SNX29: variants seen among roughly 807,000 people sequenced by gnomAD.
The protein encoded by SNX29 is sorting nexin 29, also known as sorting nexin-29.
In SNX29, 78 loss-of-function variants were observed where a neutral mutation model predicts 102.1. That is an observed-to-expected ratio of 0.76 (90% CI 0.64 to 0.92). The LOEUF (loss-of-function observed/expected upper bound fraction) is 0.92, where lower values mean the gene tolerates loss of function less well. SNX29 is among the 40% of genes least tolerant of loss of function. The pLI is 0.00. For missense variants in SNX29, 1,280 were observed against 1,061.7 expected (o/e 1.21, Z -2.86); for synonymous variants, 580 against 414.5 (o/e 1.40, Z -4.85).
intron 3 of SNX29, among the ~76,000 whole-genome samples, chr16:12,008,739 T>G (rs2056542783): frequency 6.6e-6 from 1 of 151,290 alleles, no homozygotes; most frequent in African/African-American, 2.4e-5. Flanking sequence ...TAGTTTTTTT[T>G]TTTTTTTTCT....
Position 12,137,440 on chromosome 16 carries a change from G to A in SNX29, c.1595+7682G>A, listed in dbSNP as rs116422300. Among the ~76,000 whole-genome samples, 1,297 of 152,288 alleles carry A rather than the reference G, an allele frequency of 8.5e-3. 18 individuals are homozygous for A. Among genetic ancestry groups the A allele is most frequent in the African/African-American group, 0.03 (1,248 of 41,560 alleles). ...TTTTCCAGCCCTGCCTGCCCAGTGT[G>A]TGTCCCTTTGTTTATTTGTCCCTGC... is the stretch of plus-strand genomic sequence containing the variant. On this transcript the variant is annotated intron_variant, in intron 13 of 20. Transcript: ENST00000566228.
chr16:12,462,016 T>TATGG (rs1555544564), intron 18 of SNX29, among the ~76,000 whole-genome samples: 1 of 65,210 alleles, frequency 1.5e-5, no homozygotes, highest in Non-Finnish European at 2.4e-5. Context: ...TATATATGTA[T>TATGG]ACACACACAC....
intron 15 of SNX29, among the ~76,000 whole-genome samples, chr16:12,324,869 A>G (rs998370466): frequency 2.6e-5 from 4 of 152,052 alleles, no homozygotes; most frequent in African/African-American, 9.7e-5. Context: ...CCCAAACTCC[A>G]CTAGGTAATG....
chr16:12,506,690 A>G (rs2089395560), intron 19 of SNX29, among the ~76,000 whole-genome samples: 1 of 152,234 alleles, frequency 6.6e-6, no homozygotes, highest in South Asian at 2.1e-4. Flanking sequence ...CAAAGGCAGC[A>G]TATCAAGGGC....
chr16:12,542,384 G>A (rs749738067), intron 20 of SNX29, among the ~76,000 whole-genome samples: 2 of 152,364 alleles, frequency 1.3e-5, no homozygotes, highest in East Asian at 1.9e-4. Flanking sequence ...CACCCAGGGT[G>A]GAGTACAGTG....
At chr16:11,990,837 A>G (rs2055820873) in intron 1 of SNX29, among the ~76,000 whole-genome samples, 1 of 152,194 alleles carries the variant, frequency 6.6e-6, no homozygotes, top group Admixed American at 6.5e-5. Context: ...GGTGGCTGTA[A>G]GGTCTACAAA....
chr16:12,213,801 C>G (rs2077249818), intron 14 of SNX29, among the ~76,000 whole-genome samples: 1 of 152,194 alleles, frequency 6.6e-6, no homozygotes, highest in Admixed American at 6.5e-5. Context: ...AGCCCCAGTA[C>G]CCAGCTATGT....
chr16:12,431,122 G>T (rs911632699), intron 18 of SNX29, among the ~76,000 whole-genome samples: 2 of 152,178 alleles, frequency 1.3e-5, no homozygotes, highest in Non-Finnish European at 2.9e-5. Flanking sequence ...AAAGTGCTGG[G>T]ATTACAGGCG....
At position 12,571,451 on chromosome 16, in the gene SNX29, T is replaced by A. The variant is rs1041344966; in HGVS notation, c.*2822T>A. On this transcript the variant is annotated 3_prime_UTR_variant, in exon 21 of 21. Coordinates refer to ENST00000566228, the MANE Select transcript of SNX29 (RefSeq NM_032167.5). The stretch of plus-strand genomic sequence containing the variant: ...ATTACTCGGAGATTTTCAAACAACA[T>A]CTGAGAACAGAAGCCCCCTCCCCTA... 8.3e-6 allele frequency: 2 copies of A among 240,144 alleles called. No individual in the cohort carries two copies. Among genetic ancestry groups the A allele is most frequent in the Non-Finnish European group, 1.6e-5 (2 of 125,186 alleles). 14.9% of individuals were successfully genotyped at this position (240,144 alleles called of 1,614,324 possible).
Position 12,512,843 on chromosome 16 carries a change from GT to G in SNX29, c.2179-11858del, listed in dbSNP as rs1450002116. 2.0e-5 allele frequency among the ~76,000 whole-genome samples: 3 copies of G among 152,306 alleles called. No homozygotes were observed. The East Asian group carries it at 5.8e-4, about 29-fold the overall frequency. On this transcript the variant is annotated intron_variant, in intron 19 of 20. Transcript: ENST00000566228. ...CATGGACTCAATCAATGCCTGGGGA[GT>G]GAGGGCGAGATGGCCTCTGCAGGGC...
chr16:12,014,459 G>A (rs1040065852), intron 3 of SNX29, among the ~76,000 whole-genome samples: 1 of 151,864 alleles, frequency 6.6e-6, no homozygotes, highest in Non-Finnish European at 1.5e-5. Flanking sequence ...AGAGCCGGGC[G>A]CGGTGGCTCA....
intron 11 of SNX29, among the ~76,000 whole-genome samples, chr16:12,119,307 C>T (rs2053875344): frequency 1.3e-5 from 2 of 152,102 alleles, no homozygotes; most frequent in South Asian, 2.1e-4. Context: ...CTTAAGGATT[C>T]GTAGTACAAA....
intron 11 of SNX29, among the ~76,000 whole-genome samples, chr16:12,088,800 A>G (rs2052350732): frequency 6.6e-6 from 1 of 151,832 alleles, no homozygotes; most frequent in Admixed American, 6.6e-5. Context: ...AACATTTAAA[A>G]ATTGGCCAGG....
chr16:12,044,040 C>T (rs2049991080), intron 5 of SNX29, among the ~76,000 whole-genome samples: 1 of 152,196 alleles, frequency 6.6e-6, no homozygotes, highest in South Asian at 2.1e-4. Context: ...AGGCGTGAGC[C>T]ACTGTGGCTG....
At chr16:12,534,079 G>T (rs1336279088) in intron 20 of SNX29, among the ~76,000 whole-genome samples, 2 of 152,178 alleles carry the variant, frequency 1.3e-5, no homozygotes, top group Non-Finnish European at 2.9e-5. Flanking sequence ...GGCAGCAGGG[G>T]ATCCCACTTG....
chr16:12,408,075 C>A (rs191733105), intron 18 of SNX29, among the ~76,000 whole-genome samples: 2 of 152,022 alleles, frequency 1.3e-5, no homozygotes, highest in Admixed American at 1.3e-4. Context: ...GGAGGATTGC[C>A]TGAGCCCAGG....
In SNX29 at chr16:12,092,936, A is replaced by G. The variant is rs112547143; in HGVS notation, c.1402+14021A>G. 4.7e-3 allele frequency among the ~76,000 whole-genome samples: 710 copies of G among 152,324 alleles called. 3 individuals are homozygous for G. Among genetic ancestry groups the G allele is most frequent in the Non-Finnish European group, 8.4e-3 (571 of 68,034 alleles). ...ACACACTGGCTTGGACATTTGGCCC[A>G]TAACTTTTTATACCCGAGGCCAGGT... On this transcript the variant is annotated intron_variant, in intron 11 of 20. Transcript: ENST00000566228.
chr16:12,329,358 G>C (rs2081227256), intron 15 of SNX29, among the ~76,000 whole-genome samples: 1 of 150,962 alleles, frequency 6.6e-6, no homozygotes, highest in Admixed American at 6.6e-5. Context: ...TGTAGGCAAA[G>C]ACCTGGGATG....
intron 19 of SNX29, among the ~76,000 whole-genome samples, chr16:12,515,232 A>G (rs553160234): frequency 6.6e-6 from 1 of 152,322 alleles, no homozygotes; most frequent in African/African-American, 2.4e-5. Flanking sequence ...GCTTTGTCAC[A>G]CTGTTTTGTA....
Sources: allele counts gnomAD v4.1 joint callset (sites outside exome capture counted in the v4.1 genomes callset), GRCh38; gene constraint gnomAD v4.1.1; transcripts MANE v1.5; gene names NCBI Gene and HGNC (gene_info 2026-07-23, HGNC 2026-07-21).